Variants in SPECC1 observed in about 807,000 individuals in gnomAD.
SPECC1 encodes cytospin-B.
In SPECC1, 62 loss-of-function variants were observed where a neutral mutation model predicts 104.1. That is an observed-to-expected ratio of 0.60 (90% CI 0.49 to 0.74). The LOEUF (loss-of-function observed/expected upper bound fraction) is 0.74, where lower values mean the gene tolerates loss of function less well. Ranked by LOEUF, SPECC1 falls within the 30% of genes least tolerant of loss-of-function variation. The pLI is 0.00. For synonymous variants in SPECC1, 513 were observed against 501.6 expected (o/e 1.02, Z -0.30); for missense variants, 1,306 against 1,310.5 (o/e 1.00, Z 0.05).
intron 13 of SPECC1, among the ~76,000 whole-genome samples, chr17:20,303,936 C>G (rs1160654996): frequency 1.2e-4 from 17 of 139,914 alleles, no homozygotes; most frequent in East Asian, 4.4e-4. Flanking sequence ...CTGGGTGACA[C>G]AGCGAGACTC....
chr17:20,296,460 C>T (rs886071508), intron 12 of SPECC1, among the ~76,000 whole-genome samples: 2 of 152,170 alleles, frequency 1.3e-5, no homozygotes, highest in East Asian at 1.9e-4. Context: ...AGCGTGATGC[C>T]TCCAGCTTTG....
At chr17:20,298,948 A>AGAGAGAGAGAGAGAGAGAGTGTGTGTGT in intron 13 of SPECC1, among the ~76,000 whole-genome samples, 1 of 49,070 alleles carries the variant, frequency 2.0e-5, no homozygotes, top group African/African-American at 9.3e-5. Flanking sequence ...AGAGAGAGAG[A>AGAGAGAGAGAGAGAGAGAGTGTGTGTGT]GTGTGTGTGT....
chr17:20,044,443 C>T (rs920471817), intron 1 of SPECC1, among the ~76,000 whole-genome samples: 5 of 152,136 alleles, frequency 3.3e-5, no homozygotes, highest in African/African-American at 1.2e-4. Flanking sequence ...GCTGACTCTG[C>T]TACTATATAG....
intron 11 of SPECC1, among the ~76,000 whole-genome samples, chr17:20,258,230 CAGT>C (rs956867993): frequency 8.5e-5 from 13 of 152,282 alleles, no homozygotes; most frequent in African/African-American, 3.1e-4. Flanking sequence ...CATCAGAAAA[CAGT>C]GGTATATAAG....
At chr17:20,231,467 C>T (rs2038574515) in intron 5 of SPECC1, among the ~76,000 whole-genome samples, 2 of 152,312 alleles carry the variant, frequency 1.3e-5, no homozygotes, top group South Asian at 2.1e-4. Flanking sequence ...ATGGAGGCCT[C>T]TTCCCGTAGT....
At chr17:20,299,316 G>A (rs954407446) in intron 13 of SPECC1, among the ~76,000 whole-genome samples, 6 of 151,886 alleles carry the variant, frequency 4.0e-5, no homozygotes, top group African/African-American at 7.3e-5. Flanking sequence ...CACTTTGGGC[G>A]GCTGAGACAG....
At chr17:20,069,598 C>T (rs1365726166) in intron 1 of SPECC1, among the ~76,000 whole-genome samples, 2 of 152,110 alleles carry the variant, frequency 1.3e-5, no homozygotes, top group African/African-American at 2.4e-5. Flanking sequence ...AAGACTGTCT[C>T]CCATTGAATT....
chr17:20,227,571 G>A lies in SPECC1; in HGVS notation c.2022G>A (p.Gln674=), dbSNP rs1307258806. The part of the protein sequence containing the change: ...TIFELEDQVE[Q]HRAVKLHNNQ... The stretch of plus-strand genomic sequence containing the variant: ...TTGAATTGGAAGATCAGGTGGAACA[G>A]CACCGGGCTGTCAAGTTACACAATA... The change falls in exon 5 of 15, where the codon CAG becomes CAA. Residue 674 remains glutamine, a synonymous_variant. Coordinates refer to ENST00000395527, the MANE Select transcript of SPECC1 (RefSeq NM_001243439.2). 9 of 1,612,178 alleles carry A rather than the reference G, an allele frequency of 5.6e-6. No individual in the cohort carries two copies. The highest frequency in any genetic ancestry group is 1.1e-5 in the South Asian group (1 of 90,896).
At chr17:20,084,677 G>A (rs1012793636) in intron 1 of SPECC1, among the ~76,000 whole-genome samples, 5 of 152,104 alleles carry the variant, frequency 3.3e-5, no homozygotes, top group East Asian at 1.9e-4. Context: ...CATATTTTTG[G>A]TGTTGTAACT....
intron 4 of SPECC1, among the ~76,000 whole-genome samples, chr17:20,224,601 A>G (rs575979461): frequency 1.3e-5 from 2 of 152,010 alleles, no homozygotes; most frequent in Non-Finnish European, 2.9e-5. Context: ...TCTCAAGCCA[A>G]AGGGATCTCT....
At chr17:20,204,228 A>G (rs2036615317) in intron 3 of SPECC1, 105 bp from the exon 4 acceptor site, 8 of 1,354,598 alleles carry the variant, frequency 5.9e-6, no homozygotes, top group Non-Finnish European at 8.0e-6. Flanking sequence ...ATGGATGAAG[A>G]GCGACAGCCA....
intron 1 of SPECC1, among the ~76,000 whole-genome samples, chr17:20,044,624 A>G (rs1373967374): frequency 6.6e-6 from 1 of 152,226 alleles, no homozygotes; most frequent in East Asian, 1.9e-4. Flanking sequence ...CTTGGCCATT[A>G]TGAGTAGCAA....
intron 5 of SPECC1, among the ~76,000 whole-genome samples, chr17:20,229,267 TGA>T (rs1567964261): frequency 6.6e-6 from 1 of 152,132 alleles, no homozygotes; most frequent in Non-Finnish European, 1.5e-5. Context: ...CCAAGCACAG[TGA>T]GGTTGAGACG....
At chr17:20,121,099 C>A (rs1381056305) in intron 3 of SPECC1, among the ~76,000 whole-genome samples, 1 of 152,102 alleles carries the variant, frequency 6.6e-6, no homozygotes, top group Non-Finnish European at 1.5e-5. Flanking sequence ...ACAAAAGGGG[C>A]TTCTATTTTT....
chr17:20,243,220 T>G (rs1303953646), intron 7 of SPECC1, among the ~76,000 whole-genome samples: 1 of 152,256 alleles, frequency 6.6e-6, no homozygotes, highest in East Asian at 1.9e-4. Context: ...TTAGAGGCAG[T>G]AGCAAGCCTT....
chr17:20,279,393 G>C (rs2040687563), intron 12 of SPECC1, among the ~76,000 whole-genome samples: 1 of 145,478 alleles, frequency 6.9e-6, no homozygotes, highest in Non-Finnish European at 1.5e-5. Flanking sequence ...TGCGATCTCA[G>C]CTCACTGCAA....
At chr17:20,199,894 A>G (rs185173253) in intron 3 of SPECC1, among the ~76,000 whole-genome samples, 2 of 152,164 alleles carry the variant, frequency 1.3e-5, no homozygotes, top group South Asian at 2.1e-4. Context: ...GCTTTAAGTG[A>G]TTCTCTTGCC....
Position 20,315,771 on chromosome 17 carries a change from C to A in SPECC1, c.*1706C>A, listed in dbSNP as rs1423788913. The A allele has an allele frequency of 4.3e-6, 1 of 232,466 alleles. No individual in the cohort carries two copies. 14.4% of individuals were successfully genotyped at this position (232,466 alleles called of 1,614,324 possible). On this transcript the variant is annotated 3_prime_UTR_variant, in exon 15 of 15. Coordinates refer to ENST00000395527, the MANE Select transcript of SPECC1 (RefSeq NM_001243439.2). The stretch of plus-strand genomic sequence containing the variant: ...AACTGGGCTGCACGGGTCAGCAGAT[C>A]CCTGATTCTCAAGCCACCTTGAGAC...
At chr17:20,216,741 A>G (rs1301044749) in intron 4 of SPECC1, among the ~76,000 whole-genome samples, 1 of 152,208 alleles carries the variant, frequency 6.6e-6, no homozygotes, top group Admixed American at 6.5e-5. Flanking sequence ...CTCCATATCT[A>G]CAGAAAGTTG....
Sources: allele counts gnomAD v4.1 joint callset (sites outside exome capture counted in the v4.1 genomes callset), GRCh38; gene constraint gnomAD v4.1.1; transcripts MANE v1.5; gene names NCBI Gene and HGNC (gene_info 2026-07-23, HGNC 2026-07-21).